Variants in SYCP1 observed in about 807,000 individuals in gnomAD.
SYCP1 encodes the protein synaptonemal complex protein 1.
SYCP1 carries 64 observed loss-of-function variants against 153.1 expected under a neutral mutation model. That is an observed-to-expected ratio of 0.42 (90% CI 0.34 to 0.51). The LOEUF (loss-of-function observed/expected upper bound fraction) is 0.51, where lower values mean the gene tolerates loss of function less well. Among genes scored for constraint, SYCP1 ranks in the 20% least tolerant of loss-of-function variants. The pLI is 0.06. For synonymous variants in SYCP1, 384 were observed against 341.8 expected (o/e 1.12, Z -1.36); for missense variants, 997 against 1,049.0 (o/e 0.95, Z 0.68).
intron 27 of SYCP1, among the ~76,000 whole-genome samples, chr1:114,963,922 G>A (rs1019252292): frequency 6.6e-6 from 1 of 152,038 alleles, no homozygotes; most frequent in South Asian, 2.1e-4. Context: ...TGGTATTTCT[G>A]GTTCTAGATC....
intron 23 of SYCP1, among the ~76,000 whole-genome samples, chr1:114,931,834 T>G: frequency 1.3e-5 from 2 of 152,254 alleles, no homozygotes; most frequent in South Asian, 4.1e-4. Flanking sequence ...CTATAATAAT[T>G]AAGACAATGA....
intron 29 of SYCP1, among the ~76,000 whole-genome samples, chr1:114,981,727 T>C (rs1055892856): frequency 3.3e-5 from 5 of 151,996 alleles, no homozygotes; most frequent in African/African-American, 1.2e-4. Flanking sequence ...CCTCCTGTCT[T>C]GGCCTCCCAA....
chr1:114,918,159 A>G (rs949448326), intron 20 of SYCP1, among the ~76,000 whole-genome samples: 1 of 151,964 alleles, frequency 6.6e-6, no homozygotes, highest in Admixed American at 6.6e-5. Context: ...TTTGATTTTT[A>G]TATATGGCAA....
At chr1:114,972,076 T>C (rs1366834579) in intron 27 of SYCP1, among the ~76,000 whole-genome samples, 1 of 152,180 alleles carries the variant, frequency 6.6e-6, no homozygotes, top group East Asian at 1.9e-4. Context: ...AGACTTTTTA[T>C]TATAGCTTCA....
At chr1:114,909,511 C>CACACACACAT (rs1668041332) in intron 16 of SYCP1, among the ~76,000 whole-genome samples, 1 of 143,304 alleles carries the variant, frequency 7.0e-6, no homozygotes, top group African/African-American at 2.5e-5. Context: ...CACACACACA[C>CACACACACAT]ACACACACAC....
chr1:114,855,292 T>A, intron 1 of SYCP1, 149 bp from the exon 2 acceptor site: 1 of 415,382 alleles, frequency 2.4e-6, no homozygotes, highest in Non-Finnish European at 4.3e-6. Flanking sequence ...GTAAGCGACG[T>A]TGTAGGGCTC....
At chr1:114,950,699 G>A (rs1253323484) in intron 27 of SYCP1, among the ~76,000 whole-genome samples, 1 of 151,862 alleles carries the variant, frequency 6.6e-6, no homozygotes. Flanking sequence ...AATATAGTCA[G>A]TATTTATGAA....
At chr1:114,928,502 AT>A (rs1472543073) in intron 23 of SYCP1, among the ~76,000 whole-genome samples, 5 of 152,330 alleles carry the variant, frequency 3.3e-5, no homozygotes, top group African/African-American at 1.2e-4. Flanking sequence ...TACTTAAGGA[AT>A]TTCTTCAAGT....
intron 20 of SYCP1, among the ~76,000 whole-genome samples, chr1:114,921,656 A>AC (rs943120731): frequency 1.5e-4 from 23 of 151,884 alleles, no homozygotes; most frequent in Admixed American, 2.6e-4. Flanking sequence ...CTCAAAAAAA[A>AC]AAAACAAAAA....
intron 27 of SYCP1, among the ~76,000 whole-genome samples, chr1:114,966,963 G>T (rs1245570541): frequency 6.6e-6 from 1 of 152,142 alleles, no homozygotes; most frequent in African/African-American, 2.4e-5. Flanking sequence ...GGGATTACAG[G>T]CGTGAGCCAC....
chr1:114,960,299 C>G (rs976186775), intron 27 of SYCP1, among the ~76,000 whole-genome samples: 3 of 151,524 alleles, frequency 2.0e-5, no homozygotes, highest in African/African-American at 4.9e-5. Flanking sequence ...TCCCGAGTAG[C>G]TGGGATCACA....
chr1:114,910,590 G>T, intron 17 of SYCP1, 89 bp downstream of exon 17: 2 of 814,842 alleles, frequency 2.5e-6, no homozygotes, highest in South Asian at 2.9e-5. Flanking sequence ...TTTTGTTAAA[G>T]ATTTCTTCAC....
At chr1:114,857,154 AAAAG>A in intron 3 of SYCP1, 74 bp from the exon 4 acceptor site, 4 of 980,104 alleles carry the variant, frequency 4.1e-6, no homozygotes, top group South Asian at 3.5e-5. Flanking sequence ...AAAAAAAAAA[AAAAG>A]AGAAAAAAGA....
chr1:114,979,075 A>C (rs1672980193), intron 28 of SYCP1, among the ~76,000 whole-genome samples: 1 of 151,584 alleles, frequency 6.6e-6, no homozygotes, highest in South Asian at 2.1e-4. Flanking sequence ...ATATGTTGGA[A>C]AATGAACCAT....
intron 8 of SYCP1, among the ~76,000 whole-genome samples, chr1:114,870,467 T>C (rs986542614): frequency 1.1e-4 from 17 of 152,228 alleles, no homozygotes; most frequent in Non-Finnish European, 1.9e-4. Flanking sequence ...CTTTGGCCCA[T>C]TTTTTAATCA....
chr1:114,926,449 G>T, intron 22 of SYCP1, 52 bp from the exon 23 acceptor site: 2 of 1,491,272 alleles, frequency 1.3e-6, no homozygotes, highest in Admixed American at 2.2e-5. Flanking sequence ...TCAGTAGCAA[G>T]GTAAGTTTGA....
chr1:114,865,618 T>C (rs1214736483), intron 8 of SYCP1, among the ~76,000 whole-genome samples: 5 of 152,128 alleles, frequency 3.3e-5, no homozygotes, highest in African/African-American at 1.2e-4. Context: ...TTTTGCCCCA[T>C]GCATCTATAG....
intron 17 of SYCP1, 150 bp from the exon 18 acceptor site, chr1:114,911,329 G>C: frequency 2.3e-6 from 1 of 435,374 alleles, no homozygotes; most frequent in South Asian, 4.6e-5. Flanking sequence ...AAATTATAGT[G>C]ATTATTCACT....
chr1:114,987,736 T>C (rs1673613629), intron 30 of SYCP1, among the ~76,000 whole-genome samples: 2 of 151,728 alleles, frequency 1.3e-5, no homozygotes, highest in African/African-American at 4.8e-5. Flanking sequence ...GAAAATATGA[T>C]CCATTCAAAG....
Sources: gnomAD v4.1 joint callset for allele counts (sites outside exome capture counted in the v4.1 genomes callset) on GRCh38, gnomAD v4.1.1 for gene constraint, MANE v1.5 for transcripts, NCBI Gene and HGNC (gene_info 2026-07-23, HGNC 2026-07-21) for gene names.